RICTOR: variants seen among roughly 807,000 people sequenced by gnomAD.
The protein encoded by RICTOR is rapamycin-insensitive companion of mTOR.
In RICTOR, 49 loss-of-function variants were observed where a neutral mutation model predicts 214.9. The observed-to-expected ratio is 0.23, with a 90% CI of 0.18 to 0.29. The LOEUF is 0.29. RICTOR is among the 10% of genes least tolerant of loss of function. The pLI is 1.00. For synonymous variants in RICTOR, 717 were observed against 711.3 expected, an observed-to-expected ratio of 1.01 and a Z score of -0.13; for missense variants, 1,625 against 2,047.0, an observed-to-expected ratio of 0.79 and a Z score of 3.98.
chr5:38,961,165 T>G (rs1749764430), intron 19 of RICTOR, among the ~76,000 whole-genome samples: 3 of 151,468 alleles, frequency 2.0e-5, no homozygotes, highest in Admixed American at 2.0e-4. Context: ...AAAATCTCTG[T>G]GGAGTAAGAA....
intron 3 of RICTOR, among the ~76,000 whole-genome samples, chr5:39,019,442 C>T (rs74644516): frequency 0.04 from 6,078 of 152,144 alleles, 217 homozygotes; most frequent in African/African-American, 0.086. Flanking sequence ...ACCCAATGAT[C>T]ATTTACTATT....
intron 6 of RICTOR, among the ~76,000 whole-genome samples, chr5:38,992,991 T>C (rs563667177): frequency 6.6e-6 from 1 of 152,166 alleles, no homozygotes; most frequent in East Asian, 1.9e-4. Context: ...CGATGTAAGG[T>C]GAGAAGGGCT....
At chr5:38,972,139 T>C (rs1750840223) in intron 10 of RICTOR, among the ~76,000 whole-genome samples, 180 bp from the exon 11 acceptor site, 2 of 152,366 alleles carry the variant, frequency 1.3e-5, no homozygotes, top group African/African-American at 4.8e-5. Context: ...TCTGTATTTC[T>C]CTATTGATTA....
In RICTOR at chr5:38,942,350, G is replaced by C; in HGVS notation, c.5081C>G (p.Ala1694Gly). 1 of 1,596,230 alleles carries C rather than the reference G, an allele frequency of 6.3e-7. No homozygotes were observed. Among genetic ancestry groups the C allele is most frequent in the Non-Finnish European group, 8.6e-7 (1 of 1,168,312 alleles). ...QMHEEAEAVL[A>G]TPPKQPIVDT... ...AACTATAGGTTGCTTTGGTGGTGTT[G>C]CCAACACAGCCTCTGCTTCTTCATG... Residue 1694 changes from alanine to glycine, a missense_variant, in exon 38 of 38, where the codon GCA becomes GGA. Coordinates refer to ENST00000357387, the MANE Select transcript of RICTOR (RefSeq NM_152756.5).
rs1297367026 is a variant in RICTOR at position 38,958,780 on chromosome 5, C to T, written c.2230G>A (p.Val744Ile). The T allele has an allele frequency of 1.2e-6, 2 of 1,610,082 alleles. No individual in the cohort carries two copies. The highest frequency in any genetic ancestry group is 3.3e-5 in the Admixed American group (2 of 59,758). Residue 744 changes from valine to isoleucine, a missense_variant, in exon 23 of 38, where the codon GTT (valine) becomes ATT (isoleucine). Physicochemically the swap from Val to Ile is conservative, Grantham distance 29 (BLOSUM62 3). This residue lies in a region of RICTOR where 1,214 missense variants were observed against 1,470.5 expected (regional missense o/e 0.83). Coordinates refer to ENST00000357387, the MANE Select transcript of RICTOR (RefSeq NM_152756.5). ...ATTCCCCAATTATTAAAGAATTCAA[C>T]ATTAGCTCTCAATAATACCCTTAAA... Reference protein sequence around the residue: ...KHLRVLLRANVEFFNNWGIEL... With the variant: ...KHLRVLLRANIEFFNNWGIEL...
At position 38,950,665 on chromosome 5, in the gene RICTOR, G is replaced by A. The variant is rs2112858930; in HGVS notation, c.3183C>T (p.Phe1061=). ...GCTCTGTATCTTCATTGATATCAAG[G>A]AAAAATGTGCTAGTAGAGCTGCTGC... is the stretch of plus-strand genomic sequence containing the variant. The part of the protein sequence containing the change: ...RFGSSSTSTF[F]LDINEDTEPT... Residue 1061 remains phenylalanine (F), a synonymous_variant, in exon 31 of 38, where the codon TTC becomes TTT. Coordinates refer to ENST00000357387, the MANE Select transcript of RICTOR (RefSeq NM_152756.5). The A allele has an allele frequency of 6.2e-7, 1 of 1,610,536 alleles. No homozygotes were observed. The highest frequency in any genetic ancestry group is 8.5e-7 in the Non-Finnish European group (1 of 1,178,136).
intron 2 of RICTOR, among the ~76,000 whole-genome samples, chr5:39,072,224 C>T (rs1246409201): frequency 6.6e-6 from 1 of 152,152 alleles, no homozygotes; most frequent in Non-Finnish European, 1.5e-5. Context: ...TCTGCACTAT[C>T]TATATTAACC....
intron 2 of RICTOR, among the ~76,000 whole-genome samples, chr5:39,041,025 A>G (rs571939722): frequency 1.3e-5 from 2 of 152,344 alleles, no homozygotes; most frequent in East Asian, 3.9e-4. Flanking sequence ...ACAAGTTGAG[A>G]ATAGGAAACC....
chr5:38,975,509 T>C, intron 10 of RICTOR, 28 bp downstream of exon 10: 1 of 1,511,772 alleles, frequency 6.6e-7, no homozygotes, highest in Non-Finnish European at 9.2e-7. Flanking sequence ...TCTTCTTGGA[T>C]GTTATAAAGC....
intron 19 of RICTOR, 56 bp downstream of exon 19, chr5:38,962,259 G>A (rs2150022373): frequency 2.5e-6 from 2 of 791,238 alleles, no homozygotes; most frequent in South Asian, 3.5e-5. Flanking sequence ...CAGGTATTAG[G>A]CCTAATATCC....
At chr5:39,030,022 T>C (rs1373936820) in intron 2 of RICTOR, among the ~76,000 whole-genome samples, 1 of 152,130 alleles carries the variant, frequency 6.6e-6, no homozygotes, top group East Asian at 1.9e-4. Context: ...GTTTTTAAAG[T>C]AGAAACAATA....
In RICTOR at chr5:38,978,574, G is replaced by T. The variant is rs748613183; in HGVS notation, c.821+9C>A. ...ATCTTAAAAATTATTAGGAACCAAT[G>T]TTACTTACTTGAGCTGTCCTTCAGC... is the stretch of plus-strand genomic sequence containing the variant. On this transcript the variant is annotated intron_variant, in intron 9 of 37. Transcript: ENST00000357387. 1.4e-6 allele frequency: 2 copies of T among 1,472,698 alleles called. No homozygotes were observed. Among genetic ancestry groups the T allele is most frequent in the Non-Finnish European group, 9.4e-7 (1 of 1,063,040 alleles). The allele number at this position is 1,472,698 out of a possible 1,614,324, so 91.2% of individuals were successfully genotyped here.
At chr5:39,003,681 T>C in intron 3 of RICTOR, 59 bp from the exon 4 acceptor site, 5 of 979,126 alleles carry the variant, frequency 5.1e-6, no homozygotes, top group South Asian at 1.5e-5. Context: ...CATATTTATA[T>C]ACATTATATA....
chr5:39,024,760 A>C (rs1348575969), intron 2 of RICTOR, among the ~76,000 whole-genome samples: 4 of 152,264 alleles, frequency 2.6e-5, no homozygotes, highest in Non-Finnish European at 5.9e-5. Flanking sequence ...CTGAAAAGAT[A>C]GATTCCTTAC....
chr5:38,986,114 C>T (rs1007083210), intron 7 of RICTOR, among the ~76,000 whole-genome samples: 9 of 152,246 alleles, frequency 5.9e-5, no homozygotes, highest in African/African-American at 1.2e-4. Flanking sequence ...ACCCACGTGT[C>T]GAGGAAGGGA....
At chr5:38,968,765 A>G (rs2150035351) in intron 11 of RICTOR, among the ~76,000 whole-genome samples, 1 of 150,428 alleles carries the variant, frequency 6.6e-6, no homozygotes, top group South Asian at 2.1e-4. Context: ...GTTAACTGTA[A>G]AACAGCCTCA....
Position 39,021,155 on chromosome 5 carries a change from C to T in RICTOR, c.98-19G>A. 2 of 1,222,800 alleles carry T rather than the reference C, an allele frequency of 1.6e-6. No individual in the cohort carries two copies. Among genetic ancestry groups the T allele is most frequent in the Non-Finnish European group, 2.4e-6 (2 of 822,990 alleles). 75.7% of individuals were successfully genotyped at this position (1,222,800 alleles called of 1,614,324 possible). On this transcript the variant is annotated intron_variant, in intron 2 of 37. Transcript: ENST00000357387. Reference sequence around the variant, plus strand: ...GAAGGTTCTAGAAGGAAAGACAAGACAATTTAACACAATTTTATGAGTATT... The same window carrying T: ...GAAGGTTCTAGAAGGAAAGACAAGATAATTTAACACAATTTTATGAGTATT...
intron 4 of RICTOR, 22 bp downstream of exon 4, chr5:39,003,536 G>A (rs767331315): frequency 1.9e-5 from 28 of 1,502,590 alleles, no homozygotes; most frequent in South Asian, 3.5e-5. Context: ...AGGGATGGGA[G>A]GGGGGAATGA....
At chr5:38,999,881 G>C (rs1459958628) in intron 5 of RICTOR, among the ~76,000 whole-genome samples, 2 of 151,728 alleles carry the variant, frequency 1.3e-5, no homozygotes, top group Non-Finnish European at 2.9e-5. Context: ...TATTTACAGG[G>C]GAGACACTTA....
Sources: allele counts gnomAD v4.1 joint callset (sites outside exome capture counted in the v4.1 genomes callset), GRCh38; gene constraint gnomAD v4.1.1; regional missense constraint gnomAD v4.1.1; transcripts MANE v1.5; gene names NCBI Gene and HGNC (gene_info 2026-07-23, HGNC 2026-07-21).